STAC2: variants seen among roughly 807,000 people sequenced by gnomAD.
STAC2 encodes SH3 and cysteine rich domain 2.
Under a neutral mutation model 49.0 loss-of-function variants are expected in STAC2, and 36 were observed. The ratio of observed to expected loss-of-function variants is 0.74; its 90% CI spans 0.56 to 0.97. STAC2 has a LOEUF of 0.97. Ranked by LOEUF, STAC2 falls within the 50% of genes least tolerant of loss-of-function variation. The probability of loss-of-function intolerance (pLI) is 0.00; values close to 1 mark genes in which losing one functional copy is unlikely to be tolerated. For synonymous variants in STAC2, 239 were observed against 214.7 expected, an observed-to-expected ratio of 1.11 and a Z score of -0.99; for missense variants, 527 against 543.8, an observed-to-expected ratio of 0.97 and a Z score of 0.31.
At chr17:39,214,709 G>A (rs1050083179) in intron 7 of STAC2, 82 bp downstream of exon 7, 13 of 1,491,638 alleles carry the variant, frequency 8.7e-6, no homozygotes, top group Non-Finnish European at 1.0e-5. Flanking sequence ...CCATGCTCTT[G>A]CCCCCCTATG....
In STAC2 at chr17:39,214,082, G is replaced by A. The variant is rs1567828093; in HGVS notation, c.941+151C>T. ...GGCGGGAGACACGACATTAGCATGA[G>A]TCACTCTTAGACCCTGGGCAGTTCC... On this transcript the variant is annotated intron_variant, in intron 8 of 10. Transcript: ENST00000333461. The A allele has an allele frequency of 7.4e-6, 6 of 813,668 alleles. No individual in the cohort carries two copies. The East Asian group carries it at 1.6e-4, about 22-fold the overall frequency. The allele number at this position is 813,668 out of a possible 1,614,324, so 50.4% of individuals were successfully genotyped here. A position where few individuals can be genotyped will look rare whatever the true frequency, so the allele number is the denominator to read the frequency against.
At position 39,225,432 on chromosome 17, in the gene STAC2, G is replaced by C. The variant is rs745578622; in HGVS notation, c.71C>G (p.Ser24Cys). 10 of 1,606,152 alleles carry C rather than the reference G, an allele frequency of 6.2e-6. No individual in the cohort carries two copies. The highest frequency in any genetic ancestry group is 8.5e-6 in the Non-Finnish European group (10 of 1,177,572). Residue 24 changes from serine to cysteine, a missense_variant, in exon 1 of 11, where the codon TCC becomes TGC. Ser to Cys is a moderately radical substitution (Grantham distance 112, BLOSUM62 -1). Coordinates refer to ENST00000333461, the MANE Select transcript of STAC2 (RefSeq NM_198993.5). This position sits in a 1 kb window ranked among gnomAD's most constrained non-coding sequence, Gnocchi z 8.2. ...AATHSPPGTV[S>C]ALQETKLQRF... ...AGTTACCTTGGTTTCCTGGAGGGCG[G>C]AGACGGTCCCTGGGGGGCTGTGGGT...
intron 3 of STAC2, 54 bp downstream of exon 3, chr17:39,217,022 T>C: frequency 1.2e-6 from 2 of 1,609,482 alleles, no homozygotes; most frequent in South Asian, 2.2e-5. Context: ...CATTCTCCCA[T>C]GTGACAGTAC....
At chr17:39,214,427 G>A (rs1282125342) in intron 7 of STAC2, 97 bp from the exon 8 acceptor site, 76 of 1,571,100 alleles carry the variant, frequency 4.8e-5, no homozygotes, top group Non-Finnish European at 6.4e-5. Context: ...GGCTGTGAGG[G>A]GACACAGTGA....
At chr17:39,217,207 C>T (rs751702405) in intron 2 of STAC2, 34 bp from the exon 3 acceptor site, 2 of 1,599,650 alleles carry the variant, frequency 1.3e-6, no homozygotes, top group South Asian at 2.2e-5. Context: ...ATTGAGGACA[C>T]CCCCGTGGGC....
intron 10 of STAC2, 70 bp downstream of exon 10, chr17:39,212,925 A>G: frequency 6.3e-7 from 1 of 1,585,412 alleles, no homozygotes; most frequent in Non-Finnish European, 8.6e-7. Flanking sequence ...TTACCCCCGC[A>G]CCGCAGCCTG....
chr17:39,217,049 G>A lies in STAC2; in HGVS notation c.495+27C>T, dbSNP rs1276122839. ...TGACAGTACTGGCAGCACTCAGCTGGCCATCTCTGCCTGGGTCCCCGCTCA... is the reference window on the plus strand; with the variant it reads ...TGACAGTACTGGCAGCACTCAGCTGACCATCTCTGCCTGGGTCCCCGCTCA... On this transcript the variant is annotated intron_variant, in intron 3 of 10. Coordinates refer to ENST00000333461, the MANE Select transcript of STAC2 (RefSeq NM_198993.5). 5 of 1,612,292 alleles carry A rather than the reference G, an allele frequency of 3.1e-6. No homozygotes were observed. In the African/African-American group the frequency reaches 5.3e-5, roughly 17 times the overall value.
intron 2 of STAC2, among the ~76,000 whole-genome samples, chr17:39,217,385 T>A (rs1406848290): frequency 1.3e-5 from 2 of 152,012 alleles, no homozygotes; most frequent in East Asian, 3.9e-4. Context: ...TGACACTGAG[T>A]ATACCCCCAC....
In STAC2 at chr17:39,218,752, GA is replaced by G. The variant is rs11390252; in HGVS notation, c.91-580del. Among the ~76,000 whole-genome samples the G allele has an allele frequency of 1.9e-3, 279 of 146,226 alleles. 2 individuals are homozygous for G. Among genetic ancestry groups the G allele is most frequent in the East Asian group, 7.9e-4 (4 of 5,034 alleles). On this transcript the variant is annotated intron_variant, in intron 1 of 10. Coordinates refer to ENST00000333461, the MANE Select transcript of STAC2 (RefSeq NM_198993.5). ...TGGGTGTACCATTTACTCAAGTTTA[GA>G]AAAAAAAAAATAGGCACGGTATGGT... is the stretch of plus-strand genomic sequence containing the variant.
At position 39,213,553 on chromosome 17, in the gene STAC2, C is replaced by T; in HGVS notation, c.947G>A (p.Gly316Glu). The T allele has an allele frequency of 6.2e-7, 1 of 1,613,878 alleles. No homozygotes were observed. The highest frequency in any genetic ancestry group is 1.3e-5 in the African/African-American group (1 of 75,034). The change falls in exon 9 of 11, where the codon GGA becomes GAA. Residue 316 changes from glycine to glutamate, a missense_variant. Coordinates refer to ENST00000333461, the MANE Select transcript of STAC2 (RefSeq NM_198993.5). ...GTCATCCACCAGCATGATCCGATCT[C>T]CAGGCCTGGGGAGGACAGAGCTAGG... Reference protein sequence around the residue: ...QENNDLALQPGDRIMLVDDSN... With the variant: ...QENNDLALQPEDRIMLVDDSN...
At chr17:39,218,294 C>G in intron 1 of STAC2, 121 bp from the exon 2 acceptor site, 1 of 1,027,778 alleles carries the variant, frequency 9.7e-7, no homozygotes, top group Non-Finnish European at 1.5e-6. Flanking sequence ...AGCGTGGGGG[C>G]TGAGGGCCAG....
intron 1 of STAC2, among the ~76,000 whole-genome samples, chr17:39,220,661 G>T (rs1459574499): frequency 6.6e-6 from 1 of 151,578 alleles, no homozygotes; most frequent in African/African-American, 2.4e-5. Flanking sequence ...TTTAATAGAG[G>T]CGGGGTTTCA....
At position 39,218,141 on chromosome 17, in the gene STAC2, C is replaced by T. The variant is rs753413725; in HGVS notation, c.123G>A (p.Lys41=). The change falls in exon 2 of 11, where the codon AAG becomes AAA. Residue 41 remains lysine (K), a synonymous_variant. Transcript: ENST00000333461. The part of the protein sequence containing the change: ...LQRFKRSLSL[K]TILRSKSLEN... ...CCAAGCTCTTACTTCGGAGGATGGT[C>T]TTGAGGGAGAGGGAGCGCTTGAATC... 1 of 1,613,380 alleles carries T rather than the reference C, an allele frequency of 6.2e-7. No individual in the cohort carries two copies. The highest frequency in any genetic ancestry group is 1.1e-5 in the South Asian group (1 of 91,072).
Position 39,218,120 on chromosome 17 carries a change from G to A in STAC2, c.144C>T (p.Ser48=), listed in dbSNP as rs185415723. 23 of 1,613,560 alleles carry A rather than the reference G, an allele frequency of 1.4e-5. No individual in the cohort carries two copies. In the Admixed American group the frequency reaches 1.7e-4, roughly 12 times the overall value. Residue 48 remains serine (S), a synonymous_variant, in exon 2 of 11, where the codon AGC becomes AGT. Coordinates refer to ENST00000333461, the MANE Select transcript of STAC2 (RefSeq NM_198993.5). ...CCGAGCGAAGGAAGAAGTTCTCCAA[G>A]CTCTTACTTCGGAGGATGGTCTTGA... ...LSLKTILRSK[S]LENFFLRSGS...
intron 1 of STAC2, among the ~76,000 whole-genome samples, chr17:39,219,224 G>T (rs573144297): frequency 1.5e-4 from 23 of 150,550 alleles, no homozygotes; most frequent in Middle Eastern, 3.4e-3. Flanking sequence ...CTGTGCCTTT[G>T]CAGCCCAGAA....
chr17:39,219,888 C>T (rs1159379847), intron 1 of STAC2, among the ~76,000 whole-genome samples: 10 of 152,222 alleles, frequency 6.6e-5, no homozygotes, highest in Non-Finnish European at 2.9e-5. Context: ...GGCCAGGGTT[C>T]CCAGCTGGCA....
At chr17:39,219,163 G>A (rs1235204034) in intron 1 of STAC2, among the ~76,000 whole-genome samples, 4 of 151,988 alleles carry the variant, frequency 2.6e-5, no homozygotes, top group Non-Finnish European at 4.4e-5. Flanking sequence ...CAAGGCTCTC[G>A]CCCCAGCCAC....
intron 3 of STAC2, 38 bp from the exon 4 acceptor site, chr17:39,216,938 A>C (rs761181858): frequency 6.3e-7 from 1 of 1,582,486 alleles, no homozygotes; most frequent in South Asian, 1.1e-5. Flanking sequence ...TGAGGAGGTC[A>C]TGGCCTATGG....
At chr17:39,223,349 C>A (rs1206074289) in intron 1 of STAC2, among the ~76,000 whole-genome samples, 2 of 152,172 alleles carry the variant, frequency 1.3e-5, no homozygotes, top group Non-Finnish European at 2.9e-5. Context: ...CTGCTGAATA[C>A]CCCCGACCCA....
Sources: gnomAD v4.1 joint callset for allele counts (sites outside exome capture counted in the v4.1 genomes callset) on GRCh38, gnomAD v4.1.1 for gene constraint, Gnocchi (gnomAD v3.1) non-coding constraint, MANE v1.5 for transcripts, NCBI Gene and HGNC (gene_info 2026-07-23, HGNC 2026-07-21) for gene names.